The following NIBAN1 variants were observed in gnomAD, a reference collection of about 807,000 sequenced individuals.
The protein encoded by NIBAN1 is protein Niban 1.
NIBAN1 carries 81 observed loss-of-function variants against 75.1 expected under a neutral mutation model. The ratio of observed to expected loss-of-function variants is 1.08; its 90% confidence interval spans 0.90 to 1.30. The LOEUF (loss-of-function observed/expected upper bound fraction) is 1.30, where lower values mean the gene tolerates loss of function less well. Ranked by LOEUF, NIBAN1 falls within the 50% of genes most tolerant of loss-of-function variation. The pLI is 0.00. For missense variants in NIBAN1, 1,133 were observed against 1,128.1 expected (o/e 1.00, Z -0.06); for synonymous variants, 436 against 424.8 (o/e 1.03, Z -0.32).
At chr1:184,821,589 A>C (rs1285960108) in intron 8 of NIBAN1, 2 of 152,200 alleles carry the variant, frequency 1.3e-5, no homozygotes, top group Non-Finnish European at 2.9e-5. Flanking sequence ...TCATATGTGG[A>C]TACACCGGAG....
intron 11 of NIBAN1, among the ~76,000 whole-genome samples, chr1:184,804,898 C>G (rs575929003): frequency 6.6e-6 from 1 of 152,008 alleles, no homozygotes; most frequent in East Asian, 1.9e-4. Flanking sequence ...ACGCCATTCT[C>G]CTGTCTCAGC....
intron 7 of NIBAN1, 103 bp from the exon 8 acceptor site, chr1:184,823,432 G>C (rs904273320): frequency 1.4e-6 from 2 of 1,424,196 alleles, no homozygotes; most frequent in Non-Finnish European, 1.9e-6. Flanking sequence ...ATAACAAACA[G>C]AACTGCACAC....
At chr1:184,963,007 C>T (rs115538669) in intron 1 of NIBAN1, among the ~76,000 whole-genome samples, 3,301 of 151,934 alleles carry the variant, frequency 0.022, 108 homozygotes, top group African/African-American at 0.075. Context: ...CATTTTTCAA[C>T]CCCCAATAAA....
chr1:184,822,202 C>T (rs1654720423), intron 8 of NIBAN1, among the ~76,000 whole-genome samples: 1 of 152,204 alleles, frequency 6.6e-6, no homozygotes, highest in Non-Finnish European at 1.5e-5. Context: ...AGCTTCTCCT[C>T]TGAAGTGACA....
intron 1 of NIBAN1, among the ~76,000 whole-genome samples, chr1:184,935,955 G>T (rs1160444096): frequency 6.7e-6 from 1 of 150,286 alleles, no homozygotes; most frequent in Non-Finnish European, 1.5e-5. Context: ...ACTAGTGAGA[G>T]AGTTGCAGGA....
At chr1:184,868,487 C>T (rs925804325) in intron 5 of NIBAN1, 1 of 152,180 alleles carries the variant, frequency 6.6e-6, no homozygotes, top group Non-Finnish European at 1.5e-5. Context: ...CAAGAAAATT[C>T]TAGCTTTGGA....
intron 6 of NIBAN1, among the ~76,000 whole-genome samples, chr1:184,824,754 T>C (rs1387077176): frequency 6.6e-6 from 1 of 152,220 alleles, no homozygotes; most frequent in Non-Finnish European, 1.5e-5. Context: ...TAAAGCTATG[T>C]TATTATTACA....
At chr1:184,808,491 G>A (rs938776758) in intron 9 of NIBAN1, among the ~76,000 whole-genome samples, 2 of 152,030 alleles carry the variant, frequency 1.3e-5, no homozygotes, top group Non-Finnish European at 2.9e-5. Flanking sequence ...GTGCACCCAC[G>A]GGGACTCCAG....
At chr1:184,880,190 G>C (rs1656340831) in intron 5 of NIBAN1, among the ~76,000 whole-genome samples, 1 of 152,162 alleles carries the variant, frequency 6.6e-6, no homozygotes, top group Admixed American at 6.5e-5. Context: ...CAGTTCCTCT[G>C]TTCCCCCAAA....
intron 8 of NIBAN1, among the ~76,000 whole-genome samples, chr1:184,819,128 G>C (rs1485108359): frequency 6.6e-6 from 1 of 152,118 alleles, no homozygotes; most frequent in Non-Finnish European, 1.5e-5. Context: ...AGAAGAAAAG[G>C]CTGGTGATCC....
chr1:184,840,072 A>G (rs1047647550), intron 5 of NIBAN1, among the ~76,000 whole-genome samples: 1 of 152,214 alleles, frequency 6.6e-6, no homozygotes, highest in Non-Finnish European at 1.5e-5. Context: ...AAAATAAAGC[A>G]AAACAAAACT....
intron 1 of NIBAN1, among the ~76,000 whole-genome samples, chr1:184,948,964 C>T (rs899597050): frequency 1.3e-5 from 2 of 152,084 alleles, no homozygotes; most frequent in African/African-American, 2.4e-5. Context: ...AGAATTGTTA[C>T]TTAAAATATT....
chr1:184,814,676 C>A (rs533413458), intron 9 of NIBAN1, among the ~76,000 whole-genome samples: 7 of 152,272 alleles, frequency 4.6e-5, no homozygotes, highest in African/African-American at 7.2e-5. Flanking sequence ...ATGTTTTAAA[C>A]CTGTGGTATT....
Position 184,808,104 on chromosome 1 carries a change from C to T in NIBAN1, c.1305G>A (p.Val435=). ...GCATGTAGTTCTGTGTCCTCTGAAC[C>T]ACCAGATCAATGTGGGGGAATCTGA... ...SRFRFPHIDL[V]VQRTQNYMQE... Residue 435 remains valine, a synonymous_variant, in exon 10 of 14, where the codon GTG becomes GTA. Coordinates refer to ENST00000367511, the MANE Select transcript of NIBAN1 (RefSeq NM_052966.4). 6.2e-7 allele frequency: 1 copy of T among 1,614,028 alleles called. No individual in the cohort carries two copies. Among genetic ancestry groups the T allele is most frequent in the Non-Finnish European group, 8.5e-7 (1 of 1,179,972 alleles).
chr1:184,796,386 G>A (rs1205518847), intron 13 of NIBAN1, among the ~76,000 whole-genome samples: 1 of 152,172 alleles, frequency 6.6e-6, no homozygotes, highest in African/African-American at 2.4e-5. Context: ...GACACTCAGG[G>A]TCTGCAGTAG....
intron 5 of NIBAN1, among the ~76,000 whole-genome samples, chr1:184,842,881 G>C (rs192363110): frequency 1.3e-5 from 2 of 151,344 alleles, no homozygotes; most frequent in East Asian, 3.9e-4. Flanking sequence ...TTCTGTTGCA[G>C]TTGATTTACA....
At chr1:184,903,385 G>A (rs976034931) in intron 1 of NIBAN1, among the ~76,000 whole-genome samples, 1 of 152,180 alleles carries the variant, frequency 6.6e-6, no homozygotes, top group African/African-American at 2.4e-5. Context: ...GATATAGTTT[G>A]GATCTTTTGT....
intron 5 of NIBAN1, among the ~76,000 whole-genome samples, chr1:184,858,952 AAAAAAAC>A (rs1166265512): frequency 2.6e-5 from 4 of 152,206 alleles, no homozygotes; most frequent in South Asian, 2.1e-4. Flanking sequence ...TGGTCACCTT[AAAAAAAC>A]AAAAAACAAA....
intron 9 of NIBAN1, among the ~76,000 whole-genome samples, chr1:184,810,374 G>T (rs960933432): frequency 1.5e-4 from 23 of 152,174 alleles, no homozygotes; most frequent in African/African-American, 4.8e-4. Flanking sequence ...TGGGGCCCGA[G>T]AATTTGCATT....
Sources: allele counts gnomAD v4.1 joint callset (sites outside exome capture counted in the v4.1 genomes callset), GRCh38; gene constraint gnomAD v4.1.1; transcripts MANE v1.5; gene names NCBI Gene and HGNC (gene_info 2026-07-23, HGNC 2026-07-21).